Variants in RBFOX1 observed in about 807,000 individuals in gnomAD.
RBFOX1 encodes RNA binding fox-1 homolog 1.
RBFOX1 carries 8 observed loss-of-function variants against 57.7 expected under a neutral mutation model. The ratio of observed to expected loss-of-function variants is 0.14; its 90% confidence interval spans 0.08 to 0.25. The LOEUF (loss-of-function observed/expected upper bound fraction) is 0.25. Ranked by LOEUF, RBFOX1 falls within the 10% of genes least tolerant of loss-of-function variation. The probability of loss-of-function intolerance (pLI) is 1.00; values close to 1 mark genes in which losing one functional copy is unlikely to be tolerated. For synonymous variants in RBFOX1, 326 were observed against 222.4 expected (o/e 1.47, Z -4.15); for missense variants, 611 against 548.5 (o/e 1.11, Z -1.14).
chr16:7,100,859 C>G (rs891180877), intron 4 of RBFOX1, among the ~76,000 whole-genome samples: 4 of 152,130 alleles, frequency 2.6e-5, no homozygotes, highest in African/African-American at 9.7e-5. Flanking sequence ...AAGGGCAATA[C>G]TATACTGAAT....
chr16:5,735,914 C>G (rs762718831), intron 3 of RBFOX1, among the ~76,000 whole-genome samples: 3 of 152,086 alleles, frequency 2.0e-5, no homozygotes, highest in Non-Finnish European at 2.9e-5. Context: ...AACAACAAAA[C>G]AAATATGTTC....
intron 3 of RBFOX1, among the ~76,000 whole-genome samples, chr16:5,669,479 G>A (rs1422569169): frequency 6.9e-6 from 1 of 144,754 alleles, no homozygotes; most frequent in East Asian, 2.0e-4. Context: ...GAGTGCAGTG[G>A]CACTATCTTG....
intron 1 of RBFOX1, among the ~76,000 whole-genome samples, chr16:6,259,931 A>G (rs748626113): frequency 1.1e-4 from 16 of 150,046 alleles, no homozygotes; most frequent in Non-Finnish European, 2.1e-4. Flanking sequence ...ACTGAACTCT[A>G]GTCTTGGTGA....
intron 3 of RBFOX1, among the ~76,000 whole-genome samples, chr16:6,915,028 C>A (rs2072763167): frequency 6.6e-6 from 1 of 152,222 alleles, no homozygotes; most frequent in Admixed American, 6.5e-5. Context: ...TGTAAGTCGG[C>A]TTTGCTCATC....
intron 4 of RBFOX1, among the ~76,000 whole-genome samples, chr16:7,120,063 A>C (rs1315123857): frequency 6.6e-6 from 1 of 152,146 alleles, no homozygotes; most frequent in Non-Finnish European, 1.5e-5. Flanking sequence ...AAAAAATCTA[A>C]AAGCACTTGG....
At chr16:6,864,749 C>T (rs769509105) in intron 3 of RBFOX1, among the ~76,000 whole-genome samples, 1 of 151,868 alleles carries the variant, frequency 6.6e-6, no homozygotes, top group Non-Finnish European at 1.5e-5. Context: ...CTCTGTTCAA[C>T]CTGTATTTTT....
chr16:5,467,232 C>A, exon 2 of RBFOX1: 1 of 1,500,538 alleles, frequency 6.7e-7, no homozygotes, highest in Non-Finnish European at 9.0e-7. Context: ...CTGTGCCTGC[C>A]ATACAGCCTG....
intron 2 of RBFOX1, among the ~76,000 whole-genome samples, chr16:5,571,008 C>A (rs1219694768): frequency 6.6e-6 from 1 of 152,090 alleles, no homozygotes; most frequent in East Asian, 1.9e-4. Flanking sequence ...AAATAATATT[C>A]AGCTCTCATA....
At chr16:5,634,306 C>T (rs987877341) in intron 3 of RBFOX1, among the ~76,000 whole-genome samples, 1 of 152,192 alleles carries the variant, frequency 6.6e-6, no homozygotes, top group African/African-American at 2.4e-5. Flanking sequence ...TCACTTTCTC[C>T]ATACTTTATA....
chr16:6,547,310 A>G (rs2096910143), intron 2 of RBFOX1, among the ~76,000 whole-genome samples: 1 of 152,102 alleles, frequency 6.6e-6, no homozygotes, highest in South Asian at 2.1e-4. Context: ...TTCCCAACAA[A>G]TTTCACTGTT....
intron 1 of RBFOX1, among the ~76,000 whole-genome samples, chr16:6,159,050 C>T (rs563580873): frequency 2.5e-3 from 384 of 151,978 alleles, no homozygotes; most frequent in African/African-American, 9.1e-3. Context: ...TTATAGGCAC[C>T]GACCACCATG....
intron 2 of RBFOX1, among the ~76,000 whole-genome samples, chr16:5,556,132 T>G (rs1364480687): frequency 6.6e-6 from 1 of 152,242 alleles, no homozygotes; most frequent in Non-Finnish European, 1.5e-5. Flanking sequence ...GAATTTATAT[T>G]GAGGAAATAT....
intron 3 of RBFOX1, among the ~76,000 whole-genome samples, chr16:7,040,974 G>C (rs879693669): frequency 9.2e-5 from 14 of 151,370 alleles, no homozygotes; most frequent in Non-Finnish European, 1.8e-4. Context: ...GGAGTGCAAT[G>C]ATGCAATCTC....
chr16:7,431,143 C>T (rs1219677751), intron 4 of RBFOX1: 1 of 152,176 alleles, frequency 6.6e-6, no homozygotes, highest in East Asian at 1.9e-4. Context: ...ATGCACTGTG[C>T]TAGTGTTTTG....
intron 3 of RBFOX1, among the ~76,000 whole-genome samples, chr16:6,807,214 T>C (rs752741700): frequency 1.0e-3 from 155 of 152,206 alleles, no homozygotes; most frequent in Non-Finnish European, 1.7e-3. Flanking sequence ...GTTAGGAGTC[T>C]GTTCCAGTAG....
chr16:5,278,617 C>T (rs911432767), intron 1 of RBFOX1, among the ~76,000 whole-genome samples: 5 of 152,080 alleles, frequency 3.3e-5, no homozygotes, highest in Admixed American at 6.6e-5. Flanking sequence ...TTAATATAAT[C>T]CCATTTGTCT....
chr16:7,657,497 G>T (rs2066602972), intron 12 of RBFOX1, among the ~76,000 whole-genome samples: 1 of 152,182 alleles, frequency 6.6e-6, no homozygotes, highest in Admixed American at 6.5e-5. Flanking sequence ...TAGAGATGGG[G>T]TTTCACCATT....
intron 1 of RBFOX1, among the ~76,000 whole-genome samples, chr16:6,080,231 C>T (rs1301148511): frequency 6.6e-6 from 1 of 152,076 alleles, no homozygotes; most frequent in Non-Finnish European, 1.5e-5. Context: ...CTTCCTGATC[C>T]CACAGAATAA....
At chr16:6,061,920 C>T (rs780846481) in intron 1 of RBFOX1, among the ~76,000 whole-genome samples, 45 of 152,176 alleles carry the variant, frequency 3.0e-4, no homozygotes, top group Non-Finnish European at 4.0e-4. Flanking sequence ...ACTGCCCCCA[C>T]TTTGGACTCC....
Sources: allele counts gnomAD v4.1 joint callset (sites outside exome capture counted in the v4.1 genomes callset), GRCh38; gene constraint gnomAD v4.1.1; transcripts MANE v1.5; gene names NCBI Gene and HGNC (gene_info 2026-07-23, HGNC 2026-07-21).